The following DPP10 variants were observed in gnomAD, a reference collection of about 807,000 sequenced individuals.
DPP10 encodes the protein inactive dipeptidyl peptidase 10.
A neutral mutation model predicts 120.9 loss-of-function variants in DPP10; 33 were observed. The observed-to-expected ratio is 0.27, with a 90% CI of 0.21 to 0.37. The LOEUF (loss-of-function observed/expected upper bound fraction) is 0.37. Among genes scored for constraint, DPP10 ranks in the 10% least tolerant of loss-of-function variants. The probability of loss-of-function intolerance (pLI) is 1.00; values close to 1 mark genes in which losing one functional copy is unlikely to be tolerated. For missense variants in DPP10, 816 were observed against 942.8 expected (o/e 0.87, Z 1.76); for synonymous variants, 337 against 326.1 (o/e 1.03, Z -0.36).
chr2:114,923,058 C>A (rs34279504), intron 1 of DPP10, among the ~76,000 whole-genome samples: 32,743 of 151,976 alleles, frequency 0.22, 3,616 homozygotes, highest in East Asian at 0.26. Flanking sequence ...TAATTCAAAT[C>A]CTTTGCTCCC....
chr2:115,536,176 C>T (rs946738252), intron 5 of DPP10, among the ~76,000 whole-genome samples: 1 of 151,910 alleles, frequency 6.6e-6, no homozygotes, highest in Non-Finnish European at 1.5e-5. Flanking sequence ...GAGAAAACCA[C>T]TGTTAATGTA....
intron 1 of DPP10, among the ~76,000 whole-genome samples, chr2:114,797,785 T>G (rs192931929): frequency 1.8e-4 from 28 of 152,318 alleles, no homozygotes; most frequent in African/African-American, 6.3e-4. Flanking sequence ...ACCCAGGAGA[T>G]GCGATATAAT....
chr2:115,769,912 T>A (rs993182862), intron 13 of DPP10, among the ~76,000 whole-genome samples: 1 of 151,120 alleles, frequency 6.6e-6, no homozygotes, highest in Non-Finnish European at 1.5e-5. Flanking sequence ...TGACATTTCA[T>A]TGAATTTTTA....
intron 1 of DPP10, among the ~76,000 whole-genome samples, chr2:114,485,219 A>ATAGTTCTT: frequency 6.6e-6 from 1 of 152,300 alleles, no homozygotes; most frequent in African/African-American, 2.4e-5. Flanking sequence ...AAACTTAGTT[A>ATAGTTCTT]TAGTTCTTTC....
At chr2:114,480,624 A>T (rs570279029) in intron 1 of DPP10, among the ~76,000 whole-genome samples, 1 of 148,302 alleles carries the variant, frequency 6.7e-6, no homozygotes, top group South Asian at 2.1e-4. Context: ...ACCAAACACC[A>T]CATGTTCTCA....
intron 1 of DPP10, among the ~76,000 whole-genome samples, chr2:115,113,000 G>T (rs1301617579): frequency 6.6e-6 from 1 of 151,978 alleles, no homozygotes; most frequent in Admixed American, 6.6e-5. Context: ...AACACAACTA[G>T]TTTAATTGAT....
intron 5 of DPP10, among the ~76,000 whole-genome samples, chr2:115,586,427 C>G (rs188675761): frequency 2.0e-5 from 3 of 152,276 alleles, no homozygotes; most frequent in Admixed American, 2.0e-4. Context: ...CATACATTCT[C>G]TCATATTTGG....
intron 1 of DPP10, among the ~76,000 whole-genome samples, chr2:114,607,434 T>A (rs1369657178): frequency 1.3e-5 from 2 of 152,196 alleles, no homozygotes; most frequent in Non-Finnish European, 2.9e-5. Context: ...GAAGTATGAC[T>A]GCCTCATGAA....
chr2:115,602,246 A>G (rs2083373125), intron 5 of DPP10, among the ~76,000 whole-genome samples: 1 of 152,182 alleles, frequency 6.6e-6, no homozygotes, highest in South Asian at 2.1e-4. Context: ...GAACTATCAG[A>G]CACAGTCTCT....
intron 4 of DPP10, among the ~76,000 whole-genome samples, chr2:115,523,332 T>A (rs1205370539): frequency 7.9e-6 from 1 of 126,438 alleles, no homozygotes; most frequent in Non-Finnish European, 1.6e-5. Flanking sequence ...CACATGAGGG[T>A]GGATGAGGAT....
intron 1 of DPP10, among the ~76,000 whole-genome samples, chr2:114,784,722 A>T (rs1172434060): frequency 6.6e-6 from 1 of 151,246 alleles, no homozygotes; most frequent in East Asian, 1.9e-4. Flanking sequence ...TTAAGAATAT[A>T]GTTGCTCCCA....
At chr2:115,257,881 A>T (rs537571641) in intron 1 of DPP10, among the ~76,000 whole-genome samples, 1 of 152,212 alleles carries the variant, frequency 6.6e-6, no homozygotes, top group South Asian at 2.1e-4. Flanking sequence ...ACAGAATTGA[A>T]TTCAAAGTTA....
Position 115,038,817 on chromosome 2 carries a change from G to A in DPP10, c.61-270422G>A, listed in dbSNP as rs115617057. On this transcript the variant is annotated intron_variant, in intron 1 of 25. Coordinates refer to ENST00000410059, the MANE Select transcript of DPP10 (RefSeq NM_020868.6). ...AGAATAACTTGCTCAGAGTCACCGAGCTAGAATGGATTTTATTGGGAACTT... is the reference window on the plus strand; with the variant it reads ...AGAATAACTTGCTCAGAGTCACCGAACTAGAATGGATTTTATTGGGAACTT... Among the ~76,000 whole-genome samples the A allele has an allele frequency of 4.6e-3, 704 of 152,258 alleles. 10 individuals carry two copies. Among genetic ancestry groups the A allele is most frequent in the South Asian group, 7.5e-3 (36 of 4,820 alleles).
At chr2:115,269,889 G>C (rs978911088) in intron 1 of DPP10, among the ~76,000 whole-genome samples, 3 of 152,066 alleles carry the variant, frequency 2.0e-5, no homozygotes, top group African/African-American at 7.2e-5. Context: ...ACTTATCATT[G>C]TATTTCTCTT....
At chr2:115,305,477 A>C (rs2061323931) in intron 1 of DPP10, among the ~76,000 whole-genome samples, 1 of 152,110 alleles carries the variant, frequency 6.6e-6, no homozygotes, top group South Asian at 2.1e-4. Flanking sequence ...TTATGGTTTT[A>C]ATCCCAGAGC....
intron 1 of DPP10, among the ~76,000 whole-genome samples, chr2:114,931,405 AG>A (rs1479506281): frequency 1.3e-5 from 2 of 152,182 alleles, no homozygotes; most frequent in African/African-American, 4.8e-5. Context: ...TGAGAGAGAA[AG>A]TAAGATGCAG....
chr2:115,358,491 C>A (rs567916621), intron 3 of DPP10, among the ~76,000 whole-genome samples: 12 of 152,252 alleles, frequency 7.9e-5, no homozygotes, highest in African/African-American at 2.6e-4. Context: ...TTTCTCACAT[C>A]TGTCTGTCTT....
At chr2:114,558,659 A>G (rs1267050530) in intron 1 of DPP10, among the ~76,000 whole-genome samples, 2 of 152,244 alleles carry the variant, frequency 1.3e-5, no homozygotes, top group East Asian at 3.9e-4. Flanking sequence ...CCAATGGCAG[A>G]CACAGCTGAC....
intron 24 of DPP10, among the ~76,000 whole-genome samples, chr2:115,837,948 T>TAC (rs1689704787): frequency 6.6e-6 from 1 of 151,444 alleles, no homozygotes; most frequent in Non-Finnish European, 1.5e-5. Context: ...ACAGAAAGGG[T>TAC]ACACAGGAAA....
Sources: gnomAD v4.1 joint callset for allele counts (sites outside exome capture counted in the v4.1 genomes callset) on GRCh38, gnomAD v4.1.1 for gene constraint, MANE v1.5 for transcripts, NCBI Gene and HGNC (gene_info 2026-07-23, HGNC 2026-07-21) for gene names.